Variants in NCAM2 observed in about 807,000 individuals in gnomAD.
NCAM2 encodes neural cell adhesion molecule 2.
In NCAM2, 30 loss-of-function variants were observed where a neutral mutation model predicts 98.1. That is an observed-to-expected ratio of 0.31 (90% CI 0.23 to 0.41). NCAM2 has a LOEUF of 0.41. NCAM2 is among the 10% of genes least tolerant of loss of function. The pLI is 1.00. For synonymous variants in NCAM2, 368 were observed against 342.4 expected (o/e 1.07, Z -0.83); for missense variants, 867 against 1,005.8 (o/e 0.86, Z 1.87).
chr21:21,073,783 A>G (rs1035073844), intron 1 of NCAM2, among the ~76,000 whole-genome samples: 10 of 152,198 alleles, frequency 6.6e-5, no homozygotes, highest in East Asian at 3.8e-4. Context: ...TAGCCTGTCA[A>G]GTGCAGGCAT....
chr21:21,289,248 A>G (rs999674617), intron 4 of NCAM2, among the ~76,000 whole-genome samples: 2 of 151,962 alleles, frequency 1.3e-5, no homozygotes, highest in Non-Finnish European at 2.9e-5. Context: ...AATACACAGG[A>G]TCTATGCTGT....
At chr21:21,221,225 C>T (rs79633831) in intron 1 of NCAM2, among the ~76,000 whole-genome samples, 3 of 76 alleles carry the variant, frequency 0.039, no homozygotes, top group Middle Eastern at 0.5. Flanking sequence ...TCTTCTCTGG[C>T]TCCCCTATTC....
intron 1 of NCAM2, among the ~76,000 whole-genome samples, chr21:21,161,826 C>T (rs1397764615): frequency 6.6e-6 from 1 of 151,880 alleles, no homozygotes; most frequent in Non-Finnish European, 1.5e-5. Context: ...TTAACGCAGT[C>T]GGGCCAGGGG....
At chr21:21,394,985 T>C (rs557835108) in intron 9 of NCAM2, among the ~76,000 whole-genome samples, 2 of 152,154 alleles carry the variant, frequency 1.3e-5, no homozygotes, top group Non-Finnish European at 2.9e-5. Context: ...TATATTCAGG[T>C]GCTGTAGAAG....
chr21:21,155,364 T>C (rs2067579386), intron 1 of NCAM2, among the ~76,000 whole-genome samples: 1 of 151,716 alleles, frequency 6.6e-6, no homozygotes, highest in African/African-American at 2.4e-5. Flanking sequence ...TTTTCTCATT[T>C]TAATAGCAGC....
At chr21:21,509,981 C>T (rs1379211621) in intron 16 of NCAM2, among the ~76,000 whole-genome samples, 3 of 152,122 alleles carry the variant, frequency 2.0e-5, no homozygotes, top group Admixed American at 6.6e-5. Flanking sequence ...GTCCTTTCTA[C>T]TGCATACTTT....
intron 1 of NCAM2, among the ~76,000 whole-genome samples, chr21:21,039,285 ATG>A (rs1330949143): frequency 1.3e-5 from 2 of 152,112 alleles, no homozygotes; most frequent in Non-Finnish European, 2.9e-5. Context: ...GAGTGAAAGC[ATG>A]TGTTATTATT....
Position 21,290,672 on chromosome 21 carries a change from C to T in NCAM2, c.482-1432C>T, listed in dbSNP as rs575467895. Among the ~76,000 whole-genome samples, 15 of 151,988 alleles carry T rather than the reference C, an allele frequency of 9.9e-5. No individual in the cohort carries two copies. In the South Asian group the frequency reaches 2.9e-3, roughly 29 times the overall value. On this transcript the variant is annotated intron_variant, in intron 4 of 17. Transcript: ENST00000400546. ...ATCACTATTTTCACTTTGGGGGAGC[C>T]TCTGAATCTGTGCATTTTCACCCCT...
intron 1 of NCAM2, among the ~76,000 whole-genome samples, chr21:21,036,142 G>A (rs1158864471): frequency 6.6e-6 from 1 of 152,156 alleles, no homozygotes; most frequent in Non-Finnish European, 1.5e-5. Flanking sequence ...ATTTTGGGAA[G>A]CTTGTCAAAT....
chr21:21,094,580 G>A (rs1054297491), intron 1 of NCAM2, among the ~76,000 whole-genome samples: 24 of 151,604 alleles, frequency 1.6e-4, no homozygotes, highest in Non-Finnish European at 1.5e-5. Context: ...TCAATAAATT[G>A]AAATTTTACT....
chr21:21,336,488 C>A (rs1302713649), intron 7 of NCAM2, among the ~76,000 whole-genome samples: 1 of 151,824 alleles, frequency 6.6e-6, no homozygotes, highest in African/African-American at 2.4e-5. Context: ...CTGGGTGCAG[C>A]ACACCAACAT....
rs370093798 is a variant in NCAM2 at position 21,046,617 on chromosome 21, A to G, written c.55+47999A>G. Among the ~76,000 whole-genome samples the G allele has an allele frequency of 3.9e-5, 6 of 152,202 alleles. No homozygotes were observed. In the South Asian group the frequency reaches 1.2e-3, roughly 32 times the overall value. On this transcript the variant is annotated intron_variant, in intron 1 of 17. Transcript: ENST00000400546. ...TTTTTCTTTCTATTTTTGCTTCACC[A>G]TTTTGGCGTCACCTCTTGGTTCAGG...
intron 1 of NCAM2, among the ~76,000 whole-genome samples, chr21:21,246,804 A>T (rs2071287443): frequency 6.6e-6 from 1 of 152,268 alleles, no homozygotes; most frequent in Non-Finnish European, 1.5e-5. Context: ...GAAAACTGTC[A>T]ATTATATTTT....
chr21:21,241,542 C>G (rs2071065750), intron 1 of NCAM2, among the ~76,000 whole-genome samples: 2 of 152,122 alleles, frequency 1.3e-5, no homozygotes, highest in Admixed American at 1.3e-4. Context: ...CAGATTTATT[C>G]AGTGTAAATC....
At chr21:21,202,695 C>T (rs573293506) in intron 1 of NCAM2, among the ~76,000 whole-genome samples, 6 of 152,080 alleles carry the variant, frequency 3.9e-5, no homozygotes, top group East Asian at 1.9e-4. Flanking sequence ...GGATTACAGG[C>T]GTGAGCCACT....
At chr21:21,531,672 A>T (rs1989703087) in intron 16 of NCAM2, among the ~76,000 whole-genome samples, 1 of 152,116 alleles carries the variant, frequency 6.6e-6, no homozygotes, top group African/African-American at 2.4e-5. Flanking sequence ...ACATTTTGTG[A>T]CTATTTTGAC....
intron 1 of NCAM2, among the ~76,000 whole-genome samples, chr21:21,252,586 G>GA (rs1414338161): frequency 6.6e-6 from 1 of 152,020 alleles, no homozygotes; most frequent in African/African-American, 2.4e-5. Flanking sequence ...GACATATGTA[G>GA]AGCTGCTTGA....
chr21:21,401,183 G>A (rs922684027), intron 9 of NCAM2, among the ~76,000 whole-genome samples: 2 of 152,130 alleles, frequency 1.3e-5, no homozygotes, highest in Non-Finnish European at 2.9e-5. Context: ...TTCTCTGTGT[G>A]TATGTGTGTG....
At chr21:21,124,700 G>A (rs2066750112) in intron 1 of NCAM2, among the ~76,000 whole-genome samples, 1 of 151,986 alleles carries the variant, frequency 6.6e-6, no homozygotes, top group Non-Finnish European at 1.5e-5. Flanking sequence ...CTTCTCCTAG[G>A]CTCCTTTTCT....
Sources: gnomAD v4.1 joint callset for allele counts (sites outside exome capture counted in the v4.1 genomes callset) on GRCh38, gnomAD v4.1.1 for gene constraint, MANE v1.5 for transcripts, NCBI Gene and HGNC (gene_info 2026-07-23, HGNC 2026-07-21) for gene names.